The following GRM7 variants were observed in gnomAD, a reference collection of about 807,000 sequenced individuals.
The protein encoded by GRM7 is glutamate metabotropic receptor 7.
In GRM7, 35 loss-of-function variants were observed where a neutral mutation model predicts 84.5. The ratio of observed to expected loss-of-function variants is 0.41; its 90% CI spans 0.32 to 0.55. The LOEUF (loss-of-function observed/expected upper bound fraction) is 0.55, where lower values mean the gene tolerates loss of function less well. GRM7 is among the 20% of genes least tolerant of loss of function. The probability of loss-of-function intolerance (pLI) is 0.19; values close to 1 mark genes in which losing one functional copy is unlikely to be tolerated. For missense variants in GRM7, 1,003 were observed against 1,194.6 expected (o/e 0.84, Z 2.36); for synonymous variants, 487 against 455.1 (o/e 1.07, Z -0.89).
At chr3:7,502,202 T>G (rs1699905336) in intron 7 of GRM7, among the ~76,000 whole-genome samples, 1 of 152,156 alleles carries the variant, frequency 6.6e-6, no homozygotes, top group African/African-American at 2.4e-5. Context: ...TCTCAGTGAC[T>G]GCCACAATAA....
At chr3:7,454,090 ACTCTCTCTCTCT>A (rs58338960) in intron 6 of GRM7, among the ~76,000 whole-genome samples, 15 of 140,124 alleles carry the variant, frequency 1.1e-4, no homozygotes, top group East Asian at 2.4e-4. Context: ...CTACACACAC[ACTCTCTCTCTCT>A]CTCTCTCTCT....
At chr3:7,321,479 T>A (rs1025572247) in intron 4 of GRM7, among the ~76,000 whole-genome samples, 2 of 152,096 alleles carry the variant, frequency 1.3e-5, no homozygotes, top group Non-Finnish European at 2.9e-5. Context: ...GGTAGTTTTT[T>A]AGCTATTTCT....
At chr3:7,686,214 G>T (rs1223761243) in intron 9 of GRM7, 2 of 501,448 alleles carry the variant, frequency 4.0e-6, no homozygotes, top group South Asian at 3.8e-5. Context: ...GTCTACCAAA[G>T]GATATTGAAC....
At chr3:7,686,519 G>A (rs1700591760) in intron 9 of GRM7, 3 of 721,396 alleles carry the variant, frequency 4.2e-6, no homozygotes, top group Non-Finnish European at 5.0e-6. Context: ...ATGTTTCCAT[G>A]GAAACTGTGC....
rs147397229 is a variant in GRM7, at chr3:7,600,590, C to G, written c.2451+21233C>G. On this transcript the variant is annotated intron_variant, in intron 8 of 9. Coordinates refer to ENST00000357716, the MANE Select transcript of GRM7 (RefSeq NM_000844.4). ...TTCTGCCTGTCTACCTGTGTGCCCTCTGGTGTTCTTCTCCTCCTCTCTGGG... is the reference window on the plus strand; with the variant it reads ...TTCTGCCTGTCTACCTGTGTGCCCTGTGGTGTTCTTCTCCTCCTCTCTGGG... 3.1e-3 allele frequency among the ~76,000 whole-genome samples: 471 copies of G among 152,226 alleles called. 10 individuals are homozygous for G. The highest frequency in any genetic ancestry group is 0.027 in the Admixed American group (406 of 15,266).
intron 4 of GRM7, among the ~76,000 whole-genome samples, chr3:7,413,893 A>G (rs1169858583): frequency 2.6e-5 from 4 of 152,126 alleles, no homozygotes; most frequent in Admixed American, 6.6e-5. Context: ...TGGACTCTGT[A>G]TTCTTTATCA....
intron 2 of GRM7, among the ~76,000 whole-genome samples, chr3:7,197,248 T>C (rs1011548182): frequency 1.3e-5 from 2 of 152,216 alleles, no homozygotes; most frequent in African/African-American, 4.8e-5. Flanking sequence ...TCCAATGATA[T>C]TGGCACTGGG....
chr3:6,957,721 A>G (rs80349294), intron 1 of GRM7, among the ~76,000 whole-genome samples: 8,456 of 152,224 alleles, frequency 0.056, 310 homozygotes, highest in African/African-American at 0.087. Context: ...TGTCCAAGAT[A>G]TTTACCAGCA....
rs1696688021 is a variant in GRM7 at position 7,428,194 on chromosome 3, A to G, written c.1174+13031A>G. Among the ~76,000 whole-genome samples the G allele has an allele frequency of 3.3e-5, 5 of 152,154 alleles. No individual in the cohort carries two copies. In the South Asian group the frequency reaches 1.0e-3, roughly 32 times the overall value. Reference sequence around the variant, plus strand: ...GCTTTGTGCTTTTTTGAGTTGGTCCACCAAGGAGTGTGTCTCTGCCATTCA... The same window carrying G: ...GCTTTGTGCTTTTTTGAGTTGGTCCGCCAAGGAGTGTGTCTCTGCCATTCA... On this transcript the variant is annotated intron_variant, in intron 5 of 9. Transcript: ENST00000357716.
At position 6,957,081 on chromosome 3, in the gene GRM7, A is replaced by G. The variant is rs1034239328; in HGVS notation, c.519+95174A>G. ...ACTAGAATTTAATTTTATATTATAG[A>G]CCCTTTCAGTGCCTTCAGTGACCCT... On this transcript the variant is annotated intron_variant, in intron 1 of 9. Coordinates refer to ENST00000357716, the MANE Select transcript of GRM7 (RefSeq NM_000844.4). Among the ~76,000 whole-genome samples the G allele has an allele frequency of 9.2e-5, 14 of 152,288 alleles. No homozygotes were observed. In the East Asian group the frequency reaches 2.5e-3, roughly 27 times the overall value.
intron 1 of GRM7, among the ~76,000 whole-genome samples, chr3:7,115,702 C>T (rs1693007759): frequency 1.3e-5 from 2 of 152,102 alleles, no homozygotes; most frequent in Non-Finnish European, 2.9e-5. Flanking sequence ...TAAATGACGC[C>T]TGCCCTCACT....
rs771363276 is a variant in GRM7 at position 7,194,178 on chromosome 3, G to A, written c.736+47510G>A. The stretch of plus-strand genomic sequence containing the variant: ...TTTCCTCCTCCAGTTTGTGGTTTCC[G>A]GTTTACTCACATAAACACTCACCAA... On this transcript the variant is annotated intron_variant, in intron 2 of 9. Coordinates refer to ENST00000357716, the MANE Select transcript of GRM7 (RefSeq NM_000844.4). Among the ~76,000 whole-genome samples, 8 of 151,764 alleles carry A rather than the reference G, an allele frequency of 5.3e-5. No homozygotes were observed. The South Asian group carries it at 1.0e-3, about 20-fold the overall frequency.
chr3:7,369,878 C>G (rs1244081995), intron 4 of GRM7, among the ~76,000 whole-genome samples: 1 of 152,086 alleles, frequency 6.6e-6, no homozygotes, highest in Non-Finnish European at 1.5e-5. Flanking sequence ...AATAGCATAA[C>G]CGTATTCTGG....
At chr3:7,526,844 G>A (rs1407158136) in intron 7 of GRM7, among the ~76,000 whole-genome samples, 1 of 151,828 alleles carries the variant, frequency 6.6e-6, no homozygotes, top group Admixed American at 6.6e-5. Context: ...GTAGGTGTGT[G>A]GCTTTTCTTC....
chr3:7,477,707 T>C (rs765584193), intron 7 of GRM7, among the ~76,000 whole-genome samples: 3 of 152,212 alleles, frequency 2.0e-5, no homozygotes, highest in Non-Finnish European at 2.9e-5. Context: ...TTTTAAAATA[T>C]GTCTTTTGAA....
intron 5 of GRM7, among the ~76,000 whole-genome samples, chr3:7,439,742 A>G (rs1277414641): frequency 1.3e-5 from 2 of 152,214 alleles, no homozygotes; most frequent in African/African-American, 4.8e-5. Flanking sequence ...CTTCTGCTTA[A>G]TAGAGCCCTG....
At chr3:7,294,353 CA>C (rs1240088879) in intron 2 of GRM7, among the ~76,000 whole-genome samples, 1 of 152,090 alleles carries the variant, frequency 6.6e-6, no homozygotes, top group Non-Finnish European at 1.5e-5. Context: ...TTCTTCTCCC[CA>C]GGAGTCCCAG....
intron 2 of GRM7, among the ~76,000 whole-genome samples, chr3:7,222,848 C>A (rs543812149): frequency 6.6e-6 from 1 of 152,188 alleles, no homozygotes; most frequent in South Asian, 2.1e-4. Flanking sequence ...TAAATTATTT[C>A]TTTTTTAGTG....
At chr3:7,424,555 A>C (rs879002874) in intron 5 of GRM7, among the ~76,000 whole-genome samples, 1 of 152,150 alleles carries the variant, frequency 6.6e-6, no homozygotes, top group African/African-American at 2.4e-5. Flanking sequence ...AACCTTGGAG[A>C]CACTTTGTGA....
Sources: allele counts gnomAD v4.1 joint callset (sites outside exome capture counted in the v4.1 genomes callset), GRCh38; gene constraint gnomAD v4.1.1; transcripts MANE v1.5; gene names NCBI Gene and HGNC (gene_info 2026-07-23, HGNC 2026-07-21).